Variants in PRPF6 observed in about 807,000 individuals in gnomAD.
PRPF6 encodes the protein pre-mRNA processing factor 6.
In PRPF6, 42 loss-of-function variants were observed where a neutral mutation model predicts 118.3. The ratio of observed to expected loss-of-function variants is 0.35; its 90% CI spans 0.28 to 0.46. The LOEUF is 0.46. Ranked by LOEUF, PRPF6 falls within the 20% of genes least tolerant of loss-of-function variation. PRPF6 has a pLI of 1.00. For synonymous variants in PRPF6, 481 were observed against 485.1 expected (o/e 0.99, Z 0.11); for missense variants, 662 against 1,255.7 (o/e 0.53, Z 7.15).
At chr20:63,994,616 A>G (rs989282019) in intron 4 of PRPF6, among the ~76,000 whole-genome samples, 2 of 152,140 alleles carry the variant, frequency 1.3e-5, no homozygotes, top group Non-Finnish European at 2.9e-5. Context: ...TACAAAAAAT[A>G]AAAACTTAGC....
intron 5 of PRPF6, 86 bp from the exon 6 acceptor site, chr20:63,995,241 C>G: frequency 6.4e-7 from 1 of 1,573,020 alleles, no homozygotes; most frequent in African/African-American, 1.4e-5. Flanking sequence ...TGTCAGGCCA[C>G]TGGGGAAGTA....
chr20:63,990,377 T>A (rs1390283030), intron 3 of PRPF6, among the ~76,000 whole-genome samples: 2 of 152,116 alleles, frequency 1.3e-5, no homozygotes, highest in Non-Finnish European at 2.9e-5. Flanking sequence ...TAAGTCAATG[T>A]GCCTGGCCTG....
intron 6 of PRPF6, among the ~76,000 whole-genome samples, chr20:63,996,579 T>G (rs2059142048): frequency 6.6e-6 from 1 of 152,206 alleles, no homozygotes; most frequent in South Asian, 2.1e-4. Flanking sequence ...CCTCACAAAG[T>G]GCTGGGATTA....
rs2059316967 is a variant in PRPF6, at chr20:64,032,033, C to G, written c.2662C>G (p.His888Asp). 2 of 1,613,948 alleles carry G rather than the reference C, an allele frequency of 1.2e-6. No homozygotes were observed. The highest frequency in any genetic ancestry group is 1.7e-6 in the Non-Finnish European group (2 of 1,180,038). The change falls in exon 20 of 21, where the codon CAT becomes GAT. Residue 888 changes from histidine (H) to aspartate (D), a missense_variant. Coordinates refer to ENST00000266079, the MANE Select transcript of PRPF6 (RefSeq NM_012469.4). ...WAFFYKFELQ[H>D]GTEEQQEEVR... The stretch of plus-strand genomic sequence containing the variant: ...CTTCTTCTACAAGTTTGAGCTGCAG[C>G]ATGGCACTGAGGTGAGGCCCCTCGA...
chr20:64,001,324 G>A, intron 9 of PRPF6, 85 bp downstream of exon 9: 1 of 1,502,796 alleles, frequency 6.7e-7, no homozygotes, highest in African/African-American at 1.4e-5. Flanking sequence ...CAGGCTTTTG[G>A]TGAGAGTGGA....
In PRPF6 at chr20:64,005,526, G is replaced by A. The variant is rs79439888; in HGVS notation, c.1186+4287G>A. ...TAGGACTTTCCTTCTTTACTGCTGTGCCCTCTGCTGTCACCCTGCTTGGTC... is the reference window on the plus strand; with the variant it reads ...TAGGACTTTCCTTCTTTACTGCTGTACCCTCTGCTGTCACCCTGCTTGGTC... On this transcript the variant is annotated intron_variant, in intron 9 of 20. Transcript: ENST00000266079. 3.7e-3 allele frequency among the ~76,000 whole-genome samples: 565 copies of A among 152,190 alleles called. 7 individuals are homozygous for A. The East Asian group carries it at 0.047, about 13-fold the overall frequency.
At chr20:63,993,227 TGTGTG>T (rs1228581029) in intron 3 of PRPF6, among the ~76,000 whole-genome samples, 175 bp from the exon 4 acceptor site, 6 of 12,702 alleles carry the variant, frequency 4.7e-4, no homozygotes, top group African/African-American at 1.7e-3. Flanking sequence ...AAAAAAAAAA[TGTGTG>T]TGTGTGTGTG....
At chr20:64,030,175 A>G (rs1306946971) in intron 19 of PRPF6, among the ~76,000 whole-genome samples, 1 of 152,212 alleles carries the variant, frequency 6.6e-6, no homozygotes, top group Non-Finnish European at 1.5e-5. Flanking sequence ...CCTTCTAGAA[A>G]GAGGATGACA....
At position 63,995,082 on chromosome 20, in the gene PRPF6, C is replaced by T. The variant is rs369155117; in HGVS notation, c.605C>T (p.Pro202Leu). The change falls in exon 5 of 21, where the codon CCC (proline) becomes CTC (leucine). Residue 202 changes from proline (P) to leucine (L), a missense_variant. Physicochemically the swap from Pro to Leu is moderately conservative, Grantham distance 98. This residue lies in a region of PRPF6 where 97 missense variants were observed against 122.6 expected (regional missense o/e 0.79). Transcript: ENST00000266079. ...GGAGAGAACCATACCTCAGTGGATC[C>T]CCGACAAACTGTGAGCTTCCAAAAA... is the stretch of plus-strand genomic sequence containing the variant. ...QTGENHTSVD[P>L]RQTQFGGLNT... 1.2e-6 allele frequency: 2 copies of T among 1,614,100 alleles called. No homozygotes were observed. The highest frequency in any genetic ancestry group is 2.7e-5 in the African/African-American group (2 of 75,002).
chr20:64,003,051 C>T (rs1228296668), intron 9 of PRPF6, among the ~76,000 whole-genome samples: 5 of 151,872 alleles, frequency 3.3e-5, no homozygotes, highest in Non-Finnish European at 4.4e-5. Context: ...CTCAGGCGAT[C>T]CTCCCAGCTT....
Position 64,027,282 on chromosome 20 carries a change from G to A in PRPF6, c.2205+124G>A. 1 of 1,300,002 alleles carries A rather than the reference G, an allele frequency of 7.7e-7. No individual in the cohort carries two copies. The allele number at this position is 1,300,002 out of a possible 1,614,324, so 80.5% of individuals were successfully genotyped here. On this transcript the variant is annotated intron_variant, in intron 16 of 20. Transcript: ENST00000266079. This position sits in a 1 kb window ranked among gnomAD's most constrained non-coding sequence, Gnocchi z 6.5. ...TGGAGGGCTGGGGGTTACAGCTGAT[G>A]GAGCTGCAGACTCAGGACCCAAACC...
chr20:64,026,013 C>A lies in PRPF6; in HGVS notation c.1983C>A (p.Ala661=), dbSNP rs775814917. The A allele has an allele frequency of 1.9e-6, 3 of 1,611,422 alleles. No homozygotes were observed. The African/African-American group carries it at 4.0e-5, about 22-fold the overall frequency. Residue 661 remains alanine (A), a synonymous_variant, in exon 15 of 21, where the codon GCC becomes GCA. Transcript: ENST00000266079. The surrounding 1 kb of genome is among the most constrained non-coding windows in gnomAD (Gnocchi z 4.4). The stretch of plus-strand genomic sequence containing the variant: ...CCGAGAATGATGAGTACGAGCGGGC[C>A]CGGAGGCTGCTGGCCAAGGCGCGGA... The part of the protein sequence containing the change: ...LESENDEYER[A]RRLLAKARSS...
At chr20:63,998,640 G>T (rs1601516139) in intron 6 of PRPF6, among the ~76,000 whole-genome samples, 1 of 147,774 alleles carries the variant, frequency 6.8e-6, no homozygotes, top group Admixed American at 6.9e-5. Context: ...AGGAGATCGA[G>T]ACCATCCTGG....
chr20:64,027,789 G>A lies in PRPF6; in HGVS notation c.2339+53G>A, dbSNP rs2059297589. 5.0e-6 allele frequency: 8 copies of A among 1,610,690 alleles called. No individual in the cohort carries two copies. The South Asian group carries it at 6.6e-5, about 13-fold the overall frequency. Reference sequence around the variant, plus strand: ...TCTGGGCACAGCTTCCCCATCAGGTGGGCCGCCGTCACCCAGCTGCTTGTG... The same window carrying A: ...TCTGGGCACAGCTTCCCCATCAGGTAGGCCGCCGTCACCCAGCTGCTTGTG... On this transcript the variant is annotated intron_variant, in intron 17 of 20. Coordinates refer to ENST00000266079, the MANE Select transcript of PRPF6 (RefSeq NM_012469.4). The surrounding 1 kb of genome is among the most constrained non-coding windows in gnomAD (Gnocchi z 6.5).
chr20:63,986,592 G>A (rs1158347060), intron 3 of PRPF6, among the ~76,000 whole-genome samples: 33 of 149,918 alleles, frequency 2.2e-4, no homozygotes, highest in Non-Finnish European at 3.0e-4. Flanking sequence ...GGGTTCAAGT[G>A]ATTCTCCTGC....
At chr20:64,008,925 T>C (rs2123047261) in intron 9 of PRPF6, among the ~76,000 whole-genome samples, 1 of 152,350 alleles carries the variant, frequency 6.6e-6, no homozygotes, top group Non-Finnish European at 1.5e-5. Flanking sequence ...TGGAAGTCTC[T>C]TCTAGTTTGC....
At chr20:64,002,603 A>G (rs73626415) in intron 9 of PRPF6, among the ~76,000 whole-genome samples, 1 of 143,122 alleles carries the variant, frequency 7.0e-6, no homozygotes, top group African/African-American at 2.6e-5. Flanking sequence ...CCCAAAGTGC[A>G]GGGATTACAG....
chr20:63,992,140 C>T (rs765444007), intron 3 of PRPF6, among the ~76,000 whole-genome samples: 25 of 152,146 alleles, frequency 1.6e-4, no homozygotes, highest in Admixed American at 9.2e-4. Flanking sequence ...CTCGCTCTGT[C>T]GCCCAGGCTA....
rs2059291532 is a variant in PRPF6, at chr20:64,026,458, A to G, written c.2028+400A>G. Among the ~76,000 whole-genome samples the G allele has an allele frequency of 6.6e-6, 1 of 152,006 alleles. No individual in the cohort carries two copies. Among genetic ancestry groups the G allele is most frequent in the South Asian group, 2.1e-4 (1 of 4,830 alleles). On this transcript the variant is annotated intron_variant, in intron 15 of 20. Transcript: ENST00000266079. This position sits in a 1 kb window ranked among gnomAD's most constrained non-coding sequence, Gnocchi z 4.4. ...GGGGTGGAGGTTGCGGTGAGCTGAG[A>G]TCGCGCCACTGCACTCCAGCCTGGG...
Sources: gnomAD v4.1 joint callset for allele counts (sites outside exome capture counted in the v4.1 genomes callset) on GRCh38, gnomAD v4.1.1 for gene constraint, gnomAD v4.1.1 regional missense constraint, Gnocchi (gnomAD v3.1) non-coding constraint, MANE v1.5 for transcripts, NCBI Gene and HGNC (gene_info 2026-07-23, HGNC 2026-07-21) for gene names.